ZNF292: variants seen among roughly 807,000 people sequenced by gnomAD.
ZNF292 encodes zinc finger protein 292.
Under a neutral mutation model 217.9 loss-of-function variants are expected in ZNF292, and 26 were observed. That is an observed-to-expected ratio of 0.12 (90% CI 0.09 to 0.17). The LOEUF is 0.17. Among genes scored for constraint, ZNF292 ranks in the 10% least tolerant of loss-of-function variants. The pLI is 1.00. For synonymous variants in ZNF292, 1,257 were observed against 1,124.1 expected (o/e 1.12, Z -2.37); for missense variants, 2,904 against 3,175.2 (o/e 0.91, Z 2.05).
At chr6:87,241,946 A>G (rs901187454) in intron 5 of ZNF292, among the ~76,000 whole-genome samples, 4 of 152,208 alleles carry the variant, frequency 2.6e-5, no homozygotes, top group African/African-American at 4.8e-5. Context: ...TCAAAAATGC[A>G]CTTTCAACTT....
chr6:87,172,141 GGGAA>G (rs1033197899), intron 1 of ZNF292, among the ~76,000 whole-genome samples: 28 of 152,168 alleles, frequency 1.8e-4, no homozygotes, highest in African/African-American at 6.5e-4. Flanking sequence ...TACCCTATGA[GGGAA>G]GGAACTGCAT....
chr6:87,199,765 C>T (rs1256311914), intron 1 of ZNF292, among the ~76,000 whole-genome samples: 1 of 152,118 alleles, frequency 6.6e-6, no homozygotes, highest in Non-Finnish European at 1.5e-5. Flanking sequence ...ATTTCTTTTT[C>T]ATCAAAAAGT....
chr6:87,182,836 A>C (rs964612574), intron 1 of ZNF292, among the ~76,000 whole-genome samples: 1 of 152,160 alleles, frequency 6.6e-6, no homozygotes, highest in African/African-American at 2.4e-5. Flanking sequence ...AAATCAGTAA[A>C]ACAGCAGGAC....
chr6:87,248,817 C>G (rs1774744409), intron 7 of ZNF292, among the ~76,000 whole-genome samples: 1 of 152,130 alleles, frequency 6.6e-6, no homozygotes, highest in Admixed American at 6.5e-5. Context: ...AGTGACCATC[C>G]TTCTTCAGTC....
At chr6:87,188,838 CAA>C (rs914150342) in intron 1 of ZNF292, among the ~76,000 whole-genome samples, 51 of 151,360 alleles carry the variant, frequency 3.4e-4, no homozygotes, top group African/African-American at 1.2e-3. Context: ...TTAATCTAAA[CAA>C]GACTTTTTTA....
At chr6:87,246,322 TA>T (rs1774581344) in intron 7 of ZNF292, among the ~76,000 whole-genome samples, 1 of 152,190 alleles carries the variant, frequency 6.6e-6, no homozygotes, top group South Asian at 2.1e-4. Context: ...AAGGGAAGAT[TA>T]CATTATCTGA....
intron 1 of ZNF292, among the ~76,000 whole-genome samples, chr6:87,201,649 C>T (rs1772102308): frequency 6.6e-6 from 1 of 152,188 alleles, no homozygotes; most frequent in Non-Finnish European, 1.5e-5. Context: ...AGTGATCCGC[C>T]CACCTCAGCC....
At chr6:87,254,251 TC>T (rs1333256178) in intron 7 of ZNF292, among the ~76,000 whole-genome samples, 1 of 152,248 alleles carries the variant, frequency 6.6e-6, no homozygotes, top group East Asian at 1.9e-4. Context: ...CATTTATTGA[TC>T]ATTTACTATG....
At chr6:87,163,826 CA>C (rs747806138) in intron 1 of ZNF292, among the ~76,000 whole-genome samples, 126 of 152,244 alleles carry the variant, frequency 8.3e-4, no homozygotes, top group Non-Finnish European at 1.5e-3. Flanking sequence ...ACCAACTATT[CA>C]AACTGGCATT....
intron 5 of ZNF292, among the ~76,000 whole-genome samples, chr6:87,235,888 G>GTCTACACTTAACATCTTACATAGCTA (rs1773881827): frequency 1.3e-5 from 2 of 152,134 alleles, no homozygotes; most frequent in Non-Finnish European, 2.9e-5. Flanking sequence ...TAGATGTTAA[G>GTCTACACTTAACATCTTACATAGCTA]TCTACACTTA....
rs1352355356 is a variant in ZNF292, at chr6:87,255,701, G to T, written c.2072G>T (p.Gly691Val). ...TGCCCTGTAACTTTTTGTAAAAAGG[G>T]CTTTAAGTACTTTAAAAATTTAATT... ...FNCPVTFCKK[G>V]FKYFKNLIAH... is the part of the protein sequence containing the mutation. The change falls in exon 8 of 8, where the codon GGC becomes GTC. Residue 691 changes from glycine to valine, a missense_variant. Physicochemically the swap from Gly to Val is moderately radical, Grantham distance 109. This residue lies in a region of ZNF292 where 216 missense variants were observed against 308.3 expected (regional missense o/e 0.70). Transcript: ENST00000369577. 6.2e-7 allele frequency: 1 copy of T among 1,613,344 alleles called. No homozygotes were observed. Among genetic ancestry groups the T allele is most frequent in the Non-Finnish European group, 8.5e-7 (1 of 1,179,666 alleles).
chr6:87,257,847 C>A lies in ZNF292; in HGVS notation c.4218C>A (p.Ala1406=), dbSNP rs373518922. ...CTTACTGTAAACCACTGGATGGAGCCGAAATTGCTCAAGAACTTCTACAGA... is the reference window on the plus strand; with the variant it reads ...CTTACTGTAAACCACTGGATGGAGCAGAAATTGCTCAAGAACTTCTACAGA... ...KRSYCKPLDG[A]EIAQELLQSN... is the part of the protein sequence containing the mutation. The change falls in exon 8 of 8, where the codon GCC becomes GCA. Residue 1406 remains alanine (A), a synonymous_variant. Transcript: ENST00000369577. 2.7e-5 allele frequency: 44 copies of A among 1,613,700 alleles called. No individual in the cohort carries two copies. In the African/African-American group the frequency reaches 5.9e-4, roughly 22 times the overall value.
intron 1 of ZNF292, among the ~76,000 whole-genome samples, chr6:87,161,950 C>T (rs148131067): frequency 8.5e-5 from 13 of 152,268 alleles, no homozygotes; most frequent in African/African-American, 2.9e-4. Flanking sequence ...TTCCCTCCCC[C>T]CAAAAGCATC....
At chr6:87,196,357 C>T (rs58278666) in intron 1 of ZNF292, among the ~76,000 whole-genome samples, 7,737 of 152,182 alleles carry the variant, frequency 0.051, 282 homozygotes, top group Middle Eastern at 0.092. Flanking sequence ...CTTTTTGTTT[C>T]CTTGCTACAC....
At chr6:87,160,639 TA>T (rs1327142931) in intron 1 of ZNF292, among the ~76,000 whole-genome samples, 1 of 147,882 alleles carries the variant, frequency 6.8e-6, no homozygotes, top group Non-Finnish European at 1.5e-5. Context: ...CATACATGTA[TA>T]CGGTGTGTGT....
At chr6:87,253,335 C>A in intron 7 of ZNF292, among the ~76,000 whole-genome samples, 1 of 150,408 alleles carries the variant, frequency 6.6e-6, no homozygotes, top group East Asian at 2.0e-4. Context: ...TTCAAGCGAT[C>A]CTCCTTCCTC....
At chr6:87,170,592 C>T (rs1465994362) in intron 1 of ZNF292, among the ~76,000 whole-genome samples, 1 of 152,164 alleles carries the variant, frequency 6.6e-6, no homozygotes, top group Admixed American at 6.5e-5. Context: ...ATTTTCAACA[C>T]CAAAAGACCT....
rs1177284821 is a variant in ZNF292 at position 87,263,584 on chromosome 6, T to G, written c.*1783T>G. On this transcript the variant is annotated 3_prime_UTR_variant, in exon 8 of 8. Coordinates refer to ENST00000369577, the MANE Select transcript of ZNF292 (RefSeq NM_015021.3). ...TATTGAATAGTTCATTTCACCTGTTTAAGACTTACTACCAATAAGCATAAA... is the reference window on the plus strand; with the variant it reads ...TATTGAATAGTTCATTTCACCTGTTGAAGACTTACTACCAATAAGCATAAA... The G allele has an allele frequency of 6.6e-6, 1 of 152,048 alleles. No homozygotes were observed. Among genetic ancestry groups the G allele is most frequent in the Non-Finnish European group, 1.5e-5 (1 of 67,948 alleles). 9.4% of individuals were successfully genotyped at this position (152,048 alleles called of 1,614,324 possible).
chr6:87,257,658 TAAA>T lies in ZNF292; in HGVS notation c.4033_4035del (p.Lys1345del). 1 of 1,610,174 alleles carries T rather than the reference TAAA, an allele frequency of 6.2e-7. No individual in the cohort carries two copies. The highest frequency in any genetic ancestry group is 8.5e-7 in the Non-Finnish European group (1 of 1,178,020). ...CCCAACAGTCTGCACCTGAAAAAGT[TAAA>T]AAAGACCGTGGGCGGGGCCCAAATG... On this transcript the variant is annotated inframe_deletion, in exon 8 of 8. Coordinates refer to ENST00000369577, the MANE Select transcript of ZNF292 (RefSeq NM_015021.3).
Sources: allele counts gnomAD v4.1 joint callset (sites outside exome capture counted in the v4.1 genomes callset), GRCh38; gene constraint gnomAD v4.1.1; regional missense constraint gnomAD v4.1.1; transcripts MANE v1.5; gene names NCBI Gene and HGNC (gene_info 2026-07-23, HGNC 2026-07-21).